The following ULK1 variants were observed in gnomAD, a reference collection of about 807,000 sequenced individuals.
The protein encoded by ULK1 is unc-51 like autophagy activating kinase 1.
Under a neutral mutation model 117.5 loss-of-function variants are expected in ULK1, and 48 were observed. The observed-to-expected ratio is 0.41, with a 90% CI of 0.32 to 0.52. The LOEUF (loss-of-function observed/expected upper bound fraction) is 0.52. Ranked by LOEUF, ULK1 falls within the 20% of genes least tolerant of loss-of-function variation. ULK1 has a pLI of 0.29. For missense variants in ULK1, 1,387 were observed against 1,473.4 expected, an observed-to-expected ratio of 0.94 and a Z score of 0.96; for synonymous variants, 790 against 637.8, an observed-to-expected ratio of 1.24 and a Z score of -3.60.
At chr12:131,896,058 A>G (rs1888853740) in intron 3 of ULK1, among the ~76,000 whole-genome samples, 1 of 151,784 alleles carries the variant, frequency 6.6e-6, no homozygotes, top group Admixed American at 6.5e-5. Context: ...GGCAGGGCTG[A>G]GTTCTCCTGA....
intron 13 of ULK1, among the ~76,000 whole-genome samples, chr12:131,912,469 A>C (rs1889582594): frequency 6.6e-6 from 1 of 152,184 alleles, no homozygotes; most frequent in Non-Finnish European, 1.5e-5. Flanking sequence ...GCTTTTGGGG[A>C]ACCCCCCGCT....
chr12:131,916,232 A>T (rs1889776246), intron 19 of ULK1, 73 bp downstream of exon 19: 1 of 1,563,604 alleles, frequency 6.4e-7, no homozygotes, highest in Non-Finnish European at 8.7e-7. Flanking sequence ...AGTCCTGAAC[A>T]AAGACCGAGG....
At chr12:131,916,262 T>G in intron 19 of ULK1, 103 bp downstream of exon 19, 1 of 1,526,230 alleles carries the variant, frequency 6.6e-7, no homozygotes, top group Non-Finnish European at 8.8e-7. Context: ...CTGTACCTTT[T>G]GACCCCCGCC....
Position 131,915,340 on chromosome 12 carries a change from A to C in ULK1, c.1528A>C (p.Thr510Pro), listed in dbSNP as rs1220481185. 6.2e-7 allele frequency: 1 copy of C among 1,612,664 alleles called. No homozygotes were observed. Among genetic ancestry groups the C allele is most frequent in the Admixed American group, 1.7e-5 (1 of 60,008 alleles). Residue 510 changes from threonine (T) to proline (P), a missense_variant, in exon 18 of 28, where the codon ACC becomes CCC. By Grantham distance (38) the Thr-to-Pro change is conservative (BLOSUM62 -1). Coordinates refer to ENST00000321867, the MANE Select transcript of ULK1 (RefSeq NM_003565.4). The stretch of plus-strand genomic sequence containing the variant: ...AGATCTCTCTTTTCCCCAAGTTGGA[A>C]CCATCCCTGAGCGGCCAGGCTGGAG... The part of the protein sequence containing the change: ...RPYTPSPQVG[T>P]IPERPGWSGT...
chr12:131,918,045 C>T (rs2136409256), intron 22 of ULK1, among the ~76,000 whole-genome samples: 1 of 152,236 alleles, frequency 6.6e-6, no homozygotes, highest in Admixed American at 6.5e-5. Flanking sequence ...TGGTCCTGGC[C>T]AGGGGCTGCC....
chr12:131,915,443 G>T (rs375775645), intron 18 of ULK1, 22 bp downstream of exon 18: 3 of 1,610,314 alleles, frequency 1.9e-6, no homozygotes, highest in South Asian at 1.1e-5. Flanking sequence ...CCGGAGGGGG[G>T]AGGGGGTGCT....
At chr12:131,896,332 G>C (rs1888869157) in intron 3 of ULK1, among the ~76,000 whole-genome samples, 1 of 152,196 alleles carries the variant, frequency 6.6e-6, no homozygotes, top group Admixed American at 6.5e-5. Context: ...AGATGACCTC[G>C]GGCCCGGCTG....
chr12:131,905,478 C>T (rs1889237891), intron 3 of ULK1, among the ~76,000 whole-genome samples: 1 of 152,164 alleles, frequency 6.6e-6, no homozygotes, highest in Admixed American at 6.5e-5. Flanking sequence ...TTGAGAGAGC[C>T]TGGGCTCGCT....
intron 18 of ULK1, among the ~76,000 whole-genome samples, chr12:131,915,658 A>G: frequency 6.6e-6 from 1 of 151,964 alleles, no homozygotes; most frequent in East Asian, 1.9e-4. Flanking sequence ...CGCCTCAGCT[A>G]CTCGGGAGGC....
rs573251192 is a variant in ULK1 at position 131,920,205 on chromosome 12, G to A, written c.2961+69G>A. On this transcript the variant is annotated intron_variant, in intron 26 of 27. Coordinates refer to ENST00000321867, the MANE Select transcript of ULK1 (RefSeq NM_003565.4). Reference sequence around the variant, plus strand: ...CCAGGCCCGCCGTCTCCACTGGGACGGGACCTTGATGCCCACAGCGTGGTG... The same window carrying A: ...CCAGGCCCGCCGTCTCCACTGGGACAGGACCTTGATGCCCACAGCGTGGTG... The A allele has an allele frequency of 1.4e-4, 217 of 1,558,940 alleles. No individual in the cohort carries two copies. The African/African-American group carries it at 2.2e-3, about 15-fold the overall frequency.
intron 20 of ULK1, among the ~76,000 whole-genome samples, 158 bp from the exon 21 acceptor site, chr12:131,916,795 C>T (rs1012895606): frequency 2.6e-5 from 4 of 152,086 alleles, no homozygotes; most frequent in Non-Finnish European, 5.9e-5. Flanking sequence ...CTGAGCCTCG[C>T]CATGCCCGCC....
Position 131,906,933 on chromosome 12 carries a change from C to T in ULK1, c.279+9C>T. 1 of 1,614,056 alleles carries T rather than the reference C, an allele frequency of 6.2e-7. No homozygotes were observed. Among genetic ancestry groups the T allele is most frequent in the African/African-American group, 1.3e-5 (1 of 75,062 alleles). ...TCTACCTGGTTATGGAGGTGAGTGC[C>T]TTGTGGTGCCAGGACAAGTGCAGGC... On this transcript the variant is annotated intron_variant, in intron 4 of 27. Coordinates refer to ENST00000321867, the MANE Select transcript of ULK1 (RefSeq NM_003565.4).
chr12:131,901,456 C>T (rs559476154), intron 3 of ULK1, among the ~76,000 whole-genome samples: 1 of 152,338 alleles, frequency 6.6e-6, no homozygotes, highest in South Asian at 2.1e-4. Flanking sequence ...GTAGCAAGCG[C>T]CAGCCCAAAG....
chr12:131,904,385 C>T (rs888327843), intron 3 of ULK1, among the ~76,000 whole-genome samples: 15 of 152,182 alleles, frequency 9.9e-5, no homozygotes, highest in African/African-American at 1.9e-4. Flanking sequence ...TGGGCTCAGG[C>T]GATCCTCTTG....
At chr12:131,907,313 G>A (rs1030181898) in intron 4 of ULK1, among the ~76,000 whole-genome samples, 182 bp from the exon 5 acceptor site, 9 of 152,170 alleles carry the variant, frequency 5.9e-5, no homozygotes, top group Non-Finnish European at 1.0e-4. Context: ...GAGCTGCCAC[G>A]CCTGCTGAGT....
chr12:131,917,574 A>AAGC lies in ULK1; in HGVS notation c.2326+21_2326+23dup. 1.4e-6 allele frequency: 2 copies of AAGC among 1,397,208 alleles called. No individual in the cohort carries two copies. Among genetic ancestry groups the AAGC allele is most frequent in the South Asian group, 3.5e-5 (2 of 56,704 alleles). The allele number at this position is 1,397,208 out of a possible 1,614,324, so 86.6% of individuals were successfully genotyped here. Reference sequence around the variant, plus strand: ...TCTCAGGTGAGGGCTGGCTAGGCTGAAGCCCTGTCCCTTTTGGGGTGGTGG... The same window carrying AAGC: ...TCTCAGGTGAGGGCTGGCTAGGCTGAAGCAGCCCTGTCCCTTTTGGGGTGGTGG... On this transcript the variant is annotated intron_variant, in intron 22 of 27. Transcript: ENST00000321867.
At chr12:131,919,706 C>A in intron 25 of ULK1, 116 bp downstream of exon 25, 1 of 1,269,760 alleles carries the variant, frequency 7.9e-7, no homozygotes, top group Non-Finnish European at 1.1e-6. Context: ...TGCAGAGGTG[C>A]AGAGGCCCCG....
rs200169540 is a variant in ULK1 at position 131,917,512 on chromosome 12, G to A, written c.2284G>A (p.Gly762Arg). 912 of 1,468,418 alleles carry A rather than the reference G, an allele frequency of 6.2e-4. 1 individual carries two copies. The highest frequency in any genetic ancestry group is 1.2e-3 in the East Asian group (45 of 38,936). The allele number at this position is 1,468,418 out of a possible 1,614,324, so 91.0% of individuals were successfully genotyped here. Residue 762 changes from glycine to arginine, a missense_variant, in exon 22 of 28, where the codon GGG becomes AGG. By Grantham distance (125) the Gly-to-Arg change is moderately radical (BLOSUM62 -2). Coordinates refer to ENST00000321867, the MANE Select transcript of ULK1 (RefSeq NM_003565.4). ...CTTCACCGTGGGCTCTCCCCCGAGCGGGAGCACGCCCCCCCAGGGCCCCCG... is the reference window on the plus strand; with the variant it reads ...CTTCACCGTGGGCTCTCCCCCGAGCAGGAGCACGCCCCCCCAGGGCCCCCG... ...VVFTVGSPPS[G>R]STPPQGPRTR...
Position 131,910,745 on chromosome 12 carries a change from CG to C in ULK1, c.897del (p.Ser300ProfsTer83). 1 of 1,612,938 alleles carries C rather than the reference CG, an allele frequency of 6.2e-7. No individual in the cohort carries two copies. The highest frequency in any genetic ancestry group is 8.5e-7 in the Non-Finnish European group (1 of 1,179,906). On this transcript the variant is annotated frameshift_variant, in exon 12 of 28. Coordinates refer to ENST00000321867, the MANE Select transcript of ULK1 (RefSeq NM_003565.4). LOFTEE classifies it high-confidence loss of function. Reference protein sequence around the residue: ...PPVPVPSYPSSGSGSSSSSSS... With the variant: ...PPVPVPSYPSXGSGSSSSSSS... The stretch of plus-strand genomic sequence containing the variant: ...GTGCCTGTGCCCTCGTACCCAAGCT[CG>C]GGGTCCGGCAGCAGCTCCAGCAGCA...
Sources: allele counts gnomAD v4.1 joint callset (sites outside exome capture counted in the v4.1 genomes callset), GRCh38; gene constraint gnomAD v4.1.1; transcripts MANE v1.5; gene names NCBI Gene and HGNC (gene_info 2026-07-23, HGNC 2026-07-21).